The following USH2A variants were observed in gnomAD, a reference collection of about 807,000 sequenced individuals.
The protein encoded by USH2A is Usher syndrome 2A (autosomal recessive, mild).
USH2A carries 443 observed loss-of-function variants against 538.9 expected under a neutral mutation model. The ratio of observed to expected loss-of-function variants is 0.82; its 90% CI spans 0.76 to 0.89. The LOEUF is 0.89. USH2A is among the 40% of genes least tolerant of loss of function. USH2A has a pLI of 0.00. For synonymous variants in USH2A, 2,413 were observed against 2,273.5 expected (o/e 1.06, Z -1.75); for missense variants, 6,633 against 6,324.8 (o/e 1.05, Z -1.65).
At chr1:215,755,801 G>T (rs1660776552) in intron 58 of USH2A, among the ~76,000 whole-genome samples, 1 of 152,108 alleles carries the variant, frequency 6.6e-6, no homozygotes, top group South Asian at 2.1e-4. Flanking sequence ...GAGAGTTAAG[G>T]TCATATTAAA....
Position 216,359,834 on chromosome 1 carries a change from T to C in USH2A, c.784+5119A>G, listed in dbSNP as rs1436479510. ...AGATTTTAATGCAATAGTAACAAAATTAGCAAATGAAGTTCAAAAACAATA... is the reference window on the plus strand; with the variant it reads ...AGATTTTAATGCAATAGTAACAAAACTAGCAAATGAAGTTCAAAAACAATA... On this transcript the variant is annotated intron_variant, in intron 4 of 71. Coordinates refer to ENST00000307340, the MANE Select transcript of USH2A (RefSeq NM_206933.4). Among the ~76,000 whole-genome samples, 3 of 152,022 alleles carry C rather than the reference T, an allele frequency of 2.0e-5. No individual in the cohort carries two copies. The East Asian group carries it at 5.8e-4, about 29-fold the overall frequency.
intron 61 of USH2A, among the ~76,000 whole-genome samples, chr1:215,708,454 A>G (rs1367827531): frequency 1.3e-5 from 2 of 152,122 alleles, no homozygotes; most frequent in African/African-American, 4.8e-5. Flanking sequence ...ATATTCATCT[A>G]TTTGTTTGCT....
chr1:216,150,539 A>G (rs1486690130), intron 21 of USH2A, among the ~76,000 whole-genome samples: 1 of 152,078 alleles, frequency 6.6e-6, no homozygotes, highest in Non-Finnish European at 1.5e-5. Context: ...CCCGTCTTAC[A>G]GACAGACTGG....
chr1:216,151,487 T>TAG lies in USH2A; in HGVS notation c.4627+23763_4627+23764dup, dbSNP rs1479987289. The stretch of plus-strand genomic sequence containing the variant: ...CCACTAATTCCCTTGATGGTCGGTT[T>TAG]AGGACTTTCTGCCTCCATGATTGCT... On this transcript the variant is annotated intron_variant, in intron 21 of 71. Coordinates refer to ENST00000307340, the MANE Select transcript of USH2A (RefSeq NM_206933.4). Among the ~76,000 whole-genome samples, 7 of 152,258 alleles carry TAG rather than the reference T, an allele frequency of 4.6e-5. No individual in the cohort carries two copies. In the East Asian group the frequency reaches 1.4e-3, roughly 29 times the overall value.
In USH2A at chr1:216,421,773, T is replaced by G. The variant is rs910050858; in HGVS notation, c.485+79A>C. On this transcript the variant is annotated intron_variant, in intron 2 of 71. Transcript: ENST00000307340. ...ATTCTATATAGCCTTCACTTCCGGTTTGGAATTCAGGCTGAAATGATCTTC... is the reference window on the plus strand; with the variant it reads ...ATTCTATATAGCCTTCACTTCCGGTGTGGAATTCAGGCTGAAATGATCTTC... 15 of 1,604,142 alleles carry G rather than the reference T, an allele frequency of 9.4e-6. No homozygotes were observed. In the East Asian group the frequency reaches 2.7e-4, roughly 29 times the overall value.
chr1:216,126,604 G>A (rs931993944), intron 21 of USH2A, among the ~76,000 whole-genome samples: 1 of 151,888 alleles, frequency 6.6e-6, no homozygotes. Flanking sequence ...TACCCCATTT[G>A]TATGTAAAAA....
At chr1:216,414,534 A>C (rs931301556) in intron 3 of USH2A, among the ~76,000 whole-genome samples, 1 of 151,978 alleles carries the variant, frequency 6.6e-6, no homozygotes, top group African/African-American at 2.4e-5. Context: ...GATTTTGGTA[A>C]ATTAGAATTC....
chr1:215,777,870 A>G (rs1229227855), intron 55 of USH2A, among the ~76,000 whole-genome samples: 6 of 152,180 alleles, frequency 3.9e-5, no homozygotes, highest in Non-Finnish European at 5.9e-5. Flanking sequence ...CAAGGATGTG[A>G]TGAGAGTCAG....
At chr1:215,936,154 T>C (rs895092832) in intron 37 of USH2A, among the ~76,000 whole-genome samples, 47 of 151,828 alleles carry the variant, frequency 3.1e-4, no homozygotes, top group African/African-American at 1.1e-3. Flanking sequence ...TATAGACAAA[T>C]GAATTAAAAA....
chr1:216,317,485 A>G (rs948847117), intron 9 of USH2A, among the ~76,000 whole-genome samples: 1 of 152,052 alleles, frequency 6.6e-6, no homozygotes, highest in Non-Finnish European at 1.5e-5. Context: ...CTATGCAACA[A>G]GCCACCATGG....
Position 215,728,207 on chromosome 1 carries a change from A to C in USH2A, c.11889T>G (p.Ala3963=). ...AAGGAGCTGGAAAATCTTGAGGTGGAGCTTCCAGAGTTTGTGTTAATGACC... is the reference window on the plus strand; with the variant it reads ...AAGGAGCTGGAAAATCTTGAGGTGGCGCTTCCAGAGTTTGTGTTAATGACC... ...SLWSLTQTLE[A]PPQDFPAPWA... Residue 3963 remains alanine, a synonymous_variant, in exon 61 of 72, where the codon GCT becomes GCG. Transcript: ENST00000307340. The C allele has an allele frequency of 6.2e-7, 1 of 1,614,142 alleles. No homozygotes were observed. The highest frequency in any genetic ancestry group is 8.5e-7 in the Non-Finnish European group (1 of 1,180,032).
intron 21 of USH2A, among the ~76,000 whole-genome samples, chr1:216,127,906 T>C (rs1400748355): frequency 6.6e-6 from 1 of 152,152 alleles, no homozygotes; most frequent in African/African-American, 2.4e-5. Context: ...GCTATCTGTA[T>C]TCTAAGTAAA....
At chr1:216,172,808 A>G (rs1449606800) in intron 21 of USH2A, among the ~76,000 whole-genome samples, 3 of 152,180 alleles carry the variant, frequency 2.0e-5, no homozygotes, top group African/African-American at 7.2e-5. Flanking sequence ...GCAGTGTCAG[A>G]TAAGGAATAT....
Position 215,841,619 on chromosome 1 carries a change from C to T in USH2A, c.9258+2675G>A, listed in dbSNP as rs550567972. 2.6e-5 allele frequency among the ~76,000 whole-genome samples: 4 copies of T among 152,238 alleles called. No individual in the cohort carries two copies. The South Asian group carries it at 8.3e-4, about 32-fold the overall frequency. The stretch of plus-strand genomic sequence containing the variant: ...AGAAGAAAACCCAGGCAATACCATT[C>T]AGGACATAGGCACAGGCAAACATTT... On this transcript the variant is annotated intron_variant, in intron 46 of 71. Coordinates refer to ENST00000307340, the MANE Select transcript of USH2A (RefSeq NM_206933.4).
intron 61 of USH2A, among the ~76,000 whole-genome samples, chr1:215,707,101 G>A (rs189248899): frequency 7.9e-5 from 12 of 152,240 alleles, no homozygotes; most frequent in Admixed American, 3.9e-4. Flanking sequence ...TGGACAAAAT[G>A]GGAACAAAAT....
At chr1:215,793,556 T>C (rs963006313) in intron 50 of USH2A, among the ~76,000 whole-genome samples, 2 of 148,296 alleles carry the variant, frequency 1.3e-5, no homozygotes, top group African/African-American at 2.6e-5. Flanking sequence ...AGCACTGATA[T>C]ATTACACTTT....
chr1:215,998,511 C>T (rs989109783), intron 34 of USH2A, among the ~76,000 whole-genome samples: 3 of 151,938 alleles, frequency 2.0e-5, no homozygotes, highest in African/African-American at 4.8e-5. Flanking sequence ...AATTTTCATA[C>T]TGTGCATTGT....
chr1:215,945,221 C>T (rs1666729434), intron 37 of USH2A, among the ~76,000 whole-genome samples: 1 of 152,066 alleles, frequency 6.6e-6, no homozygotes, highest in African/African-American at 2.4e-5. Context: ...TGAGGAACAA[C>T]TTAATCAATT....
At chr1:215,889,344 G>A (rs993500461) in intron 40 of USH2A, among the ~76,000 whole-genome samples, 1 of 151,766 alleles carries the variant, frequency 6.6e-6, no homozygotes, top group Non-Finnish European at 1.5e-5. Context: ...TAAAAAATGA[G>A]GATTTAAAAA....
Sources: allele counts gnomAD v4.1 joint callset (sites outside exome capture counted in the v4.1 genomes callset), GRCh38; gene constraint gnomAD v4.1.1; transcripts MANE v1.5; gene names NCBI Gene and HGNC (gene_info 2026-07-23, HGNC 2026-07-21).